CDK19: variants seen among roughly 807,000 people sequenced by gnomAD.
The protein encoded by CDK19 is cyclin-dependent kinase 19.
CDK19 carries 20 observed loss-of-function variants against 68.3 expected under a neutral mutation model. The ratio of observed to expected loss-of-function variants is 0.29; its 90% CI spans 0.21 to 0.43. The LOEUF (loss-of-function observed/expected upper bound fraction) is 0.43, where lower values mean the gene tolerates loss of function less well. CDK19 is among the 20% of genes least tolerant of loss of function. The pLI is 1.00. For synonymous variants in CDK19, 221 were observed against 222.8 expected, an observed-to-expected ratio of 0.99 and a Z score of 0.07; for missense variants, 339 against 623.5, an observed-to-expected ratio of 0.54 and a Z score of 4.86.
intron 4 of CDK19, among the ~76,000 whole-genome samples, chr6:110,652,561 A>C (rs574970887): frequency 1.3e-5 from 2 of 152,348 alleles, no homozygotes; most frequent in East Asian, 3.9e-4. Context: ...AAAGATAGTA[A>C]GATAAAAACA....
At chr6:110,813,020 A>C (rs1422468551) in intron 1 of CDK19, 3 of 151,460 alleles carry the variant, frequency 2.0e-5, no homozygotes, top group Non-Finnish European at 2.9e-5. Context: ...ACAGTGATTT[A>C]AACTAATGCT....
chr6:110,728,654 A>T (rs1013446330), intron 2 of CDK19, among the ~76,000 whole-genome samples: 1 of 151,836 alleles, frequency 6.6e-6, no homozygotes, highest in Non-Finnish European at 1.5e-5. Flanking sequence ...GCTGCATGTG[A>T]CCTGGCCCTG....
At chr6:110,776,862 A>T (rs953195905) in intron 1 of CDK19, among the ~76,000 whole-genome samples, 1 of 152,252 alleles carries the variant, frequency 6.6e-6, no homozygotes, top group Non-Finnish European at 1.5e-5. Context: ...TGCCAGGCAC[A>T]GTTCTAAGAG....
chr6:110,669,305 C>A (rs1011348608), intron 3 of CDK19, among the ~76,000 whole-genome samples: 2 of 152,118 alleles, frequency 1.3e-5, no homozygotes, highest in Non-Finnish European at 2.9e-5. Context: ...AGATGACAAA[C>A]CACATTATAT....
At chr6:110,709,118 C>A (rs1298348070) in intron 2 of CDK19, among the ~76,000 whole-genome samples, 11 of 152,112 alleles carry the variant, frequency 7.2e-5, no homozygotes, top group Admixed American at 3.9e-4. Context: ...GGCCTTCATA[C>A]TAAAAACCTC....
Position 110,753,410 on chromosome 6 carries a change from C to T in CDK19, c.129-7209G>A, listed in dbSNP as rs528228569. On this transcript the variant is annotated intron_variant, in intron 1 of 12. Coordinates refer to ENST00000368911, the MANE Select transcript of CDK19 (RefSeq NM_015076.5). ...AATAATTTTTTATTTTTTTTTTAGA[C>T]AAGGTCTCTGTCACTCAGATTGGAG... Among the ~76,000 whole-genome samples the T allele has an allele frequency of 1.7e-4, 26 of 151,172 alleles. No individual in the cohort carries two copies. In the South Asian group the frequency reaches 4.6e-3, roughly 27 times the overall value.
chr6:110,787,560 C>G (rs1431627548), intron 1 of CDK19, among the ~76,000 whole-genome samples: 1 of 151,608 alleles, frequency 6.6e-6, no homozygotes, highest in Non-Finnish European at 1.5e-5. Flanking sequence ...GATTCTCCAA[C>G]GTCAGCCTCA....
At chr6:110,794,107 G>A (rs1010313184) in intron 1 of CDK19, among the ~76,000 whole-genome samples, 2 of 152,004 alleles carry the variant, frequency 1.3e-5, no homozygotes, top group South Asian at 2.1e-4. Flanking sequence ...GTGCAGTGGC[G>A]CAATCTCAGC....
chr6:110,634,474 T>C (rs1029854917), intron 5 of CDK19, among the ~76,000 whole-genome samples: 1 of 152,200 alleles, frequency 6.6e-6, no homozygotes, highest in African/African-American at 2.4e-5. Flanking sequence ...TGCCTCAGCC[T>C]CCCAAAGGGC....
At chr6:110,754,628 C>G (rs753287775) in intron 1 of CDK19, among the ~76,000 whole-genome samples, 5 of 151,804 alleles carry the variant, frequency 3.3e-5, no homozygotes, top group African/African-American at 4.8e-5. Context: ...TACAGGCACG[C>G]GCAACCATGC....
intron 1 of CDK19, among the ~76,000 whole-genome samples, chr6:110,796,292 G>A (rs1351747625): frequency 6.6e-6 from 1 of 152,124 alleles, no homozygotes; most frequent in Non-Finnish European, 1.5e-5. Flanking sequence ...AGCCAAGATT[G>A]TGCCACTGCA....
At chr6:110,623,458 G>A in intron 8 of CDK19, 96 bp from the exon 9 acceptor site, 2 of 1,500,396 alleles carry the variant, frequency 1.3e-6, no homozygotes, top group East Asian at 2.4e-5. Context: ...TATAAGGTAT[G>A]TGTTTAAGTC....
intron 4 of CDK19, among the ~76,000 whole-genome samples, chr6:110,648,970 C>G (rs1380743815): frequency 1.3e-5 from 2 of 152,048 alleles, no homozygotes; most frequent in African/African-American, 4.8e-5. Context: ...GCTCGGCCTC[C>G]CAAAGTGCTG....
rs867983134 is a variant in CDK19, at chr6:110,679,084, G to A, written c.205-8543C>T. Among the ~76,000 whole-genome samples, 5 of 152,076 alleles carry A rather than the reference G, an allele frequency of 3.3e-5. No individual in the cohort carries two copies. In the South Asian group the frequency reaches 8.3e-4, roughly 25 times the overall value. ...AGCACTTTGGGAGGCCAAGGCAGGAGGACCACTCAAGGCCAGGAGTTTGAG... is the reference window on the plus strand; with the variant it reads ...AGCACTTTGGGAGGCCAAGGCAGGAAGACCACTCAAGGCCAGGAGTTTGAG... On this transcript the variant is annotated intron_variant, in intron 2 of 12. Coordinates refer to ENST00000368911, the MANE Select transcript of CDK19 (RefSeq NM_015076.5).
rs139163512 is a variant in CDK19 at position 110,639,083 on chromosome 6, T to G, written c.457-377A>C. 5.6e-4 allele frequency among the ~76,000 whole-genome samples: 86 copies of G among 152,354 alleles called. 1 individual carries two copies. The East Asian group carries it at 0.016, about 29-fold the overall frequency. On this transcript the variant is annotated intron_variant, in intron 4 of 12. Transcript: ENST00000368911. The stretch of plus-strand genomic sequence containing the variant: ...AAACCACAACATAATCGCCTTCATA[T>G]GAATAAGTTGAATGGAATATTCCTT...
intron 1 of CDK19, chr6:110,813,151 AAAGG>A (rs887796021): frequency 1.3e-5 from 2 of 152,122 alleles, no homozygotes; most frequent in Non-Finnish European, 2.9e-5. Context: ...TTTCACTCAA[AAAGG>A]AAGTGTATTC....
At chr6:110,698,312 G>GA (rs956421717) in intron 2 of CDK19, among the ~76,000 whole-genome samples, 83 of 143,216 alleles carry the variant, frequency 5.8e-4, no homozygotes, top group Middle Eastern at 7.2e-3. Context: ...AAATCAGCAA[G>GA]AAAAAAAAAA....
chr6:110,731,538 G>A (rs897734527), intron 2 of CDK19, among the ~76,000 whole-genome samples: 3 of 152,192 alleles, frequency 2.0e-5, no homozygotes, highest in Non-Finnish European at 2.9e-5. Flanking sequence ...GTTGCACGAC[G>A]TGTGAAAACA....
intron 12 of CDK19, among the ~76,000 whole-genome samples, chr6:110,616,007 C>T (rs1367460711): frequency 1.3e-5 from 2 of 152,068 alleles, no homozygotes; most frequent in African/African-American, 4.8e-5. Context: ...ATTGCATCCC[C>T]AACCAAGCAG....
Sources: allele counts gnomAD v4.1 joint callset (sites outside exome capture counted in the v4.1 genomes callset), GRCh38; gene constraint gnomAD v4.1.1; transcripts MANE v1.5; gene names NCBI Gene and HGNC (gene_info 2026-07-23, HGNC 2026-07-21).